Variants in DYNC1I1 observed in about 807,000 individuals in gnomAD.
The protein encoded by DYNC1I1 is dynein cytoplasmic 1 intermediate chain 1.
DYNC1I1 carries 43 observed loss-of-function variants against 86.6 expected under a neutral mutation model. The observed-to-expected ratio is 0.50, with a 90% confidence interval of 0.39 to 0.64. The LOEUF is 0.64. DYNC1I1 is among the 30% of genes least tolerant of loss of function. The pLI, the probability that DYNC1I1 is intolerant of heterozygous loss-of-function variation, is 0.00. For missense variants in DYNC1I1, 604 were observed against 788.8 expected, an observed-to-expected ratio of 0.77 and a Z score of 2.81; for synonymous variants, 262 against 283.7, an observed-to-expected ratio of 0.92 and a Z score of 0.77.
chr7:96,032,835 T>C, intron 12 of DYNC1I1, 55 bp downstream of exon 12: 2 of 1,443,912 alleles, frequency 1.4e-6, no homozygotes, highest in Non-Finnish European at 1.9e-6. Flanking sequence ...AGATACCTAC[T>C]TAATGGAACA....
intron 6 of DYNC1I1, among the ~76,000 whole-genome samples, chr7:95,890,513 A>G (rs1015349896): frequency 6.6e-6 from 1 of 152,180 alleles, no homozygotes; most frequent in African/African-American, 2.4e-5. Context: ...GTGAGAAAGT[A>G]ATCTGTTCAA....
At chr7:96,012,925 C>G (rs1794310230) in intron 10 of DYNC1I1, among the ~76,000 whole-genome samples, 1 of 151,688 alleles carries the variant, frequency 6.6e-6, no homozygotes, top group African/African-American at 2.4e-5. Flanking sequence ...TATTAGGGTA[C>G]AGGTGGTGTT....
chr7:95,892,487 A>G (rs532386038), intron 6 of DYNC1I1, among the ~76,000 whole-genome samples: 3 of 152,002 alleles, frequency 2.0e-5, no homozygotes, highest in Non-Finnish European at 4.4e-5. Flanking sequence ...ATTTTTTTGT[A>G]TTTTTAGTAG....
intron 14 of DYNC1I1, among the ~76,000 whole-genome samples, chr7:96,054,449 A>T (rs891122390): frequency 1.3e-5 from 2 of 152,152 alleles, no homozygotes; most frequent in African/African-American, 2.4e-5. Flanking sequence ...ATAAACATAC[A>T]TGTGCATGTG....
chr7:95,890,657 G>A (rs1157781601), intron 6 of DYNC1I1, among the ~76,000 whole-genome samples: 3 of 152,122 alleles, frequency 2.0e-5, no homozygotes, highest in Non-Finnish European at 4.4e-5. Context: ...TTGCCATTTG[G>A]TTAATTTCAG....
intron 1 of DYNC1I1, among the ~76,000 whole-genome samples, chr7:95,783,692 C>T (rs1794054580): frequency 6.6e-6 from 1 of 152,144 alleles, no homozygotes; most frequent in African/African-American, 2.4e-5. Flanking sequence ...AATGTTTTAC[C>T]TTCATCCTCC....
chr7:96,078,575 C>A (rs1790416139), intron 15 of DYNC1I1, among the ~76,000 whole-genome samples: 2 of 151,838 alleles, frequency 1.3e-5, no homozygotes. Context: ...ACTTATATTC[C>A]AAATAAAAAT....
chr7:95,926,869 G>A (rs981172403), intron 6 of DYNC1I1, among the ~76,000 whole-genome samples: 5 of 152,148 alleles, frequency 3.3e-5, no homozygotes, highest in African/African-American at 7.2e-5. Flanking sequence ...AGCACTTGTC[G>A]TCCCTCCCAT....
Position 95,982,787 on chromosome 7 carries a change from G to A in DYNC1I1, c.581-2028G>A, listed in dbSNP as rs563937561. On this transcript the variant is annotated intron_variant, in intron 7 of 16. Transcript: ENST00000447467. ...GTCAGGTTTATTCATTTATGTAACA[G>A]CATTAACCAAAACAAAATGGACTTA... 5.9e-5 allele frequency among the ~76,000 whole-genome samples: 9 copies of A among 152,150 alleles called. No homozygotes were observed. In the South Asian group the frequency reaches 1.9e-3, roughly 32 times the overall value.
chr7:95,851,363 C>T (rs1289927370), intron 5 of DYNC1I1, among the ~76,000 whole-genome samples: 2 of 152,056 alleles, frequency 1.3e-5, no homozygotes, highest in East Asian at 1.9e-4. Context: ...TGGGACAGCG[C>T]AAGATTTTAT....
chr7:96,096,488 C>T (rs930280455), intron 16 of DYNC1I1, among the ~76,000 whole-genome samples: 1 of 152,102 alleles, frequency 6.6e-6, no homozygotes, highest in African/African-American at 2.4e-5. Flanking sequence ...GTGTGAAAAG[C>T]ATTCAGACTT....
In DYNC1I1 at chr7:95,952,033, TCG is replaced by T. The variant is rs554791815; in HGVS notation, c.491-25477_491-25476del. 5.0e-3 allele frequency among the ~76,000 whole-genome samples: 756 copies of T among 152,328 alleles called. 10 individuals are homozygous for T. Among genetic ancestry groups the T allele is most frequent in the Non-Finnish European group, 4.7e-3 (318 of 68,028 alleles). On this transcript the variant is annotated intron_variant, in intron 6 of 16. Coordinates refer to ENST00000447467, the MANE Select transcript of DYNC1I1 (RefSeq NM_001135556.2). ...ACCTTTTTATTTAATAAGGCTCTGA[TCG>T]CCTGATTGATTCTGAAGTGCTTGCT...
chr7:96,054,773 A>G (rs891174978), intron 14 of DYNC1I1, among the ~76,000 whole-genome samples: 5 of 152,168 alleles, frequency 3.3e-5, no homozygotes, highest in Non-Finnish European at 7.4e-5. Flanking sequence ...TCTTCTTTTG[A>G]GAAGTGTCTG....
At chr7:95,849,816 G>C (rs1046030844) in intron 5 of DYNC1I1, among the ~76,000 whole-genome samples, 3 of 151,978 alleles carry the variant, frequency 2.0e-5, no homozygotes, top group Non-Finnish European at 4.4e-5. Flanking sequence ...AGTAATATGG[G>C]CATTTTGACA....
chr7:95,962,417 T>G (rs984666714), intron 6 of DYNC1I1, among the ~76,000 whole-genome samples: 2 of 152,234 alleles, frequency 1.3e-5, no homozygotes, highest in Non-Finnish European at 2.9e-5. Context: ...TCTGTGGGTC[T>G]TTCTAGCCCT....
At chr7:95,974,836 A>G (rs1257601231) in intron 6 of DYNC1I1, among the ~76,000 whole-genome samples, 1 of 152,186 alleles carries the variant, frequency 6.6e-6, no homozygotes, top group East Asian at 1.9e-4. Context: ...AGAACAATCC[A>G]TGTTGAGGCC....
chr7:95,833,511 T>C (rs1288771386), intron 5 of DYNC1I1, among the ~76,000 whole-genome samples: 6 of 134,870 alleles, frequency 4.4e-5, no homozygotes, highest in East Asian at 2.6e-4. Flanking sequence ...GTGAAGAAAG[T>C]CATTGGTAGC....
intron 16 of DYNC1I1, among the ~76,000 whole-genome samples, chr7:96,096,044 G>A (rs927833410): frequency 3.3e-5 from 5 of 152,004 alleles, no homozygotes; most frequent in African/African-American, 4.8e-5. Flanking sequence ...ACTGCACTTC[G>A]CAAAATAAGT....
intron 5 of DYNC1I1, among the ~76,000 whole-genome samples, chr7:95,833,914 A>C (rs1788996354): frequency 6.7e-6 from 1 of 149,420 alleles, no homozygotes; most frequent in Admixed American, 6.7e-5. Context: ...TGTTGTCTGC[A>C]AAGAGGGACA....
Sources: gnomAD v4.1 joint callset for allele counts (sites outside exome capture counted in the v4.1 genomes callset) on GRCh38, gnomAD v4.1.1 for gene constraint, MANE v1.5 for transcripts, NCBI Gene and HGNC (gene_info 2026-07-23, HGNC 2026-07-21) for gene names.